Variants in ASAP1 observed in about 807,000 individuals in gnomAD.
The protein encoded by ASAP1 is ArfGAP with SH3 domain, ankyrin repeat and PH domain 1, also known as arf-GAP with SH3 domain, ANK repeat and PH domain-containing protein 1.
Under a neutral mutation model 145.2 loss-of-function variants are expected in ASAP1, and 43 were observed. The ratio of observed to expected loss-of-function variants is 0.30; its 90% CI spans 0.23 to 0.38. The LOEUF is 0.38. Ranked by LOEUF, ASAP1 falls within the 10% of genes least tolerant of loss-of-function variation. ASAP1 has a pLI of 1.00. For synonymous variants in ASAP1, 546 were observed against 515.5 expected (o/e 1.06, Z -0.80); for missense variants, 1,018 against 1,355.3 (o/e 0.75, Z 3.91).
chr8:130,057,310 A>G lies in ASAP1; in HGVS notation c.3315+644T>C, dbSNP rs528155642. Among the ~76,000 whole-genome samples, 6 of 152,354 alleles carry G rather than the reference A, an allele frequency of 3.9e-5. No individual in the cohort carries two copies. In the South Asian group the frequency reaches 1.2e-3, roughly 32 times the overall value. ...GCCTGCTTACTGGCTGAGGGACCAC[A>G]GGCAACATGCTCAACTTTCTTCCGC... On this transcript the variant is annotated intron_variant, in intron 29 of 29. Coordinates refer to ENST00000518721, the MANE Select transcript of ASAP1 (RefSeq NM_018482.4).
intron 9 of ASAP1, among the ~76,000 whole-genome samples, chr8:130,178,048 G>A (rs527271264): frequency 1.3e-5 from 2 of 152,264 alleles, no homozygotes; most frequent in Non-Finnish European, 2.9e-5. Context: ...CCCAAGCTTT[G>A]TGCTTTTGAC....
intron 2 of ASAP1, among the ~76,000 whole-genome samples, chr8:130,385,703 C>T (rs1206861201): frequency 6.6e-6 from 1 of 152,170 alleles, no homozygotes; most frequent in East Asian, 1.9e-4. Context: ...ATGTTGCTGA[C>T]ATCACTCTCC....
At position 130,334,672 on chromosome 8, in the gene ASAP1, A is replaced by G. The variant is rs190455180; in HGVS notation, c.186+23345T>C. ...CAAGATGAATGAAAAGGTCTATTAT[A>G]TTTCAAGTGTGTAGTGATTTCCTGT... On this transcript the variant is annotated intron_variant, in intron 3 of 29. Transcript: ENST00000518721. Among the ~76,000 whole-genome samples, 7 of 152,328 alleles carry G rather than the reference A, an allele frequency of 4.6e-5. No individual in the cohort carries two copies. The East Asian group carries it at 9.6e-4, about 21-fold the overall frequency.
intron 2 of ASAP1, among the ~76,000 whole-genome samples, chr8:130,375,835 C>T (rs1322534184): frequency 2.0e-5 from 3 of 152,158 alleles, no homozygotes; most frequent in Non-Finnish European, 2.9e-5. Flanking sequence ...GATTTCAAAG[C>T]CAGGACTGTT....
At chr8:130,124,183 A>G (rs913984301) in intron 17 of ASAP1, 79 bp from the exon 18 acceptor site, 19 of 1,017,812 alleles carry the variant, frequency 1.9e-5, no homozygotes, top group Non-Finnish European at 2.8e-5. Context: ...TTTGTTTTTG[A>G]GATTTATGAA....
chr8:130,359,921 C>A (rs575018765), intron 2 of ASAP1, among the ~76,000 whole-genome samples: 17 of 152,260 alleles, frequency 1.1e-4, no homozygotes, highest in Non-Finnish European at 2.2e-4. Context: ...CCGCGCCCGG[C>A]CCATCTTGCA....
At chr8:130,089,418 G>T (rs985788801) in intron 25 of ASAP1, among the ~76,000 whole-genome samples, 5 of 152,156 alleles carry the variant, frequency 3.3e-5, no homozygotes, top group African/African-American at 9.7e-5. Context: ...CTACCTCCCA[G>T]TCCTGATCTC....
intron 1 of ASAP1, among the ~76,000 whole-genome samples, chr8:130,435,186 C>G (rs1403862304): frequency 6.6e-6 from 1 of 152,170 alleles, no homozygotes; most frequent in African/African-American, 2.4e-5. Context: ...CTGAGGTCCA[C>G]AGAGGATAAA....
At chr8:130,385,918 CCT>C (rs1827992685) in intron 2 of ASAP1, among the ~76,000 whole-genome samples, 1 of 152,200 alleles carries the variant, frequency 6.6e-6, no homozygotes, top group Admixed American at 6.5e-5. Flanking sequence ...TCACTTTCAA[CCT>C]CTCCCTGAAG....
chr8:130,148,937 C>T (rs1310595154), intron 13 of ASAP1, among the ~76,000 whole-genome samples: 7 of 151,742 alleles, frequency 4.6e-5, no homozygotes, highest in Non-Finnish European at 8.8e-5. Context: ...CAGGTTCAAG[C>T]GATCCTCCCA....
At chr8:130,173,629 G>A (rs1434656835) in intron 9 of ASAP1, among the ~76,000 whole-genome samples, 4 of 151,868 alleles carry the variant, frequency 2.6e-5, no homozygotes, top group Non-Finnish European at 2.9e-5. Context: ...TTAGCCGGGC[G>A]TGGTGGTACA....
At chr8:130,437,789 C>T (rs1012002590) in intron 1 of ASAP1, among the ~76,000 whole-genome samples, 10 of 152,284 alleles carry the variant, frequency 6.6e-5, no homozygotes, top group South Asian at 6.2e-4. Context: ...GTTGTGCCCA[C>T]GGCTGATCCT....
intron 3 of ASAP1, among the ~76,000 whole-genome samples, chr8:130,320,596 T>C (rs1366455591): frequency 2.0e-5 from 3 of 151,832 alleles, no homozygotes; most frequent in African/African-American, 7.3e-5. Context: ...GCCTGACACC[T>C]AGATTTAAAC....
At chr8:130,353,197 A>G (rs561380387) in intron 3 of ASAP1, among the ~76,000 whole-genome samples, 8 of 152,286 alleles carry the variant, frequency 5.3e-5, no homozygotes, top group African/African-American at 7.2e-5. Context: ...CTTCTCCATA[A>G]TACAATCTGG....
In ASAP1 at chr8:130,118,796, C is replaced by G. The variant is rs971441828; in HGVS notation, c.1608-121G>C. ...TTAAGATACGCTTCTTTTCACCATT[C>G]AAATAAACCAGGTTTTAGACCAAAT... On this transcript the variant is annotated intron_variant, in intron 18 of 29. Transcript: ENST00000518721. The G allele has an allele frequency of 1.0e-5, 7 of 688,594 alleles. No individual in the cohort carries two copies. The South Asian group carries it at 2.7e-4, about 27-fold the overall frequency. 42.7% of individuals were successfully genotyped at this position (688,594 alleles called of 1,614,324 possible).
At chr8:130,294,864 A>G (rs1339013267) in intron 3 of ASAP1, among the ~76,000 whole-genome samples, 1 of 152,246 alleles carries the variant, frequency 6.6e-6, no homozygotes, top group Non-Finnish European at 1.5e-5. Context: ...AAAGATAGTA[A>G]GATGCCTTCT....
intron 3 of ASAP1, among the ~76,000 whole-genome samples, chr8:130,268,490 A>AACACACAAACACAC (rs1820393483): frequency 7.5e-6 from 1 of 133,124 alleles, no homozygotes; most frequent in Non-Finnish European, 1.6e-5. Flanking sequence ...CCCGTCTTAA[A>AACACACAAACACAC]ACACACACAC....
At chr8:130,138,240 C>T (rs2097599902) in intron 13 of ASAP1, among the ~76,000 whole-genome samples, 1 of 152,190 alleles carries the variant, frequency 6.6e-6, no homozygotes, top group Non-Finnish European at 1.5e-5. Flanking sequence ...CCTGTGCTCT[C>T]TGGACCATTT....
chr8:130,272,852 G>A (rs145347933), intron 3 of ASAP1, among the ~76,000 whole-genome samples: 2,449 of 152,276 alleles, frequency 0.016, 94 homozygotes, highest in Admixed American at 0.091. Context: ...GTATGTAGGT[G>A]GGAGAGAGAG....
Sources: gnomAD v4.1 joint callset for allele counts (sites outside exome capture counted in the v4.1 genomes callset) on GRCh38, gnomAD v4.1.1 for gene constraint, MANE v1.5 for transcripts, NCBI Gene and HGNC (gene_info 2026-07-23, HGNC 2026-07-21) for gene names.